ACLY: variants seen among roughly 807,000 people sequenced by gnomAD.
The protein encoded by ACLY is ATP-citrate synthase.
A neutral mutation model predicts 133.0 loss-of-function variants in ACLY; 41 were observed. The ratio of observed to expected loss-of-function variants is 0.31; its 90% CI spans 0.24 to 0.40. The LOEUF (loss-of-function observed/expected upper bound fraction) is 0.40, where lower values mean the gene tolerates loss of function less well. ACLY is among the 10% of genes least tolerant of loss of function. The probability of loss-of-function intolerance (pLI) is 1.00; values close to 1 mark genes in which losing one functional copy is unlikely to be tolerated. For missense variants in ACLY, 1,046 were observed against 1,453.8 expected (o/e 0.72, Z 4.56); for synonymous variants, 495 against 549.3 (o/e 0.90, Z 1.38).
At chr17:41,910,081 CCCTCAGAT>C in intron 4 of ACLY, 133 bp downstream of exon 4, 1 of 826,074 alleles carries the variant, frequency 1.2e-6, no homozygotes, top group Non-Finnish European at 1.9e-6. Context: ...GTCCGCAGCA[CCCTCAGAT>C]CCTCAGTGCA....
At chr17:41,908,878 T>G (rs1555633112) in intron 6 of ACLY, 111 bp downstream of exon 6, 4 of 864,014 alleles carry the variant, frequency 4.6e-6, no homozygotes, top group Non-Finnish European at 7.7e-6. Flanking sequence ...TGTGCACATC[T>G]GTCTTGTGTT....
chr17:41,879,823 A>C (rs970892197), intron 20 of ACLY, among the ~76,000 whole-genome samples: 58 of 150,656 alleles, frequency 3.8e-4, no homozygotes, highest in African/African-American at 1.4e-3. Flanking sequence ...GGCTCGGGTG[A>C]TTCTCCCACC....
In ACLY at chr17:41,913,853, T is replaced by C; in HGVS notation, c.21A>G (p.Ser7=). ...AAAGGAGTTCTTTGCCCGTCTGCTC[T>C]GAAATTGCCTTGGCCGACATGGCTG... MSAKAI[S]EQTGKELLYK... is the part of the protein sequence containing the mutation. The change falls in exon 2 of 29, where the codon TCA becomes TCG. Residue 7 remains serine, a synonymous_variant. Transcript: ENST00000352035. The C allele has an allele frequency of 6.2e-7, 1 of 1,614,212 alleles. No individual in the cohort carries two copies. Among genetic ancestry groups the C allele is most frequent in the South Asian group, 1.1e-5 (1 of 91,080 alleles).
In ACLY at chr17:41,904,779, T is replaced by G. The variant is rs782705078; in HGVS notation, c.1015A>C (p.Ile339Leu). 7 of 1,613,592 alleles carry G rather than the reference T, an allele frequency of 4.3e-6. No individual in the cohort carries two copies. Among genetic ancestry groups the G allele is most frequent in the South Asian group, 3.3e-5 (3 of 91,068 alleles). ...REKHPDGKIL[I>L]IGGSIANFTN... ...AAGTTTGCGATGCTGCCTCCAATGA[T>G]GAGGATCTTGCCTGGATTTGGAGTA... The change falls in exon 10 of 29, where the codon ATC becomes CTC. Residue 339 changes from isoleucine (I) to leucine (L), a missense_variant. Transcript: ENST00000352035.
chr17:41,887,105 C>A (rs2049068042), intron 17 of ACLY, among the ~76,000 whole-genome samples: 1 of 125,346 alleles, frequency 8.0e-6, no homozygotes, highest in Non-Finnish European at 1.6e-5. Context: ...GCCTAGGTAA[C>A]AGGGCAAGAC....
At chr17:41,884,331 G>A (rs2048995669) in intron 18 of ACLY, 57 bp from the exon 19 acceptor site, 2 of 1,192,970 alleles carry the variant, frequency 1.7e-6, no homozygotes, top group South Asian at 2.4e-5. Flanking sequence ...GGGGAAGTGT[G>A]TACAGGGTTA....
intron 23 of ACLY, among the ~76,000 whole-genome samples, chr17:41,872,517 G>A (rs2048622691): frequency 6.6e-6 from 1 of 152,162 alleles, no homozygotes; most frequent in African/African-American, 2.4e-5. Context: ...GTAGAGACGA[G>A]ATTTTGCTAT....
intron 22 of ACLY, among the ~76,000 whole-genome samples, chr17:41,876,251 G>GC (rs1395701698): frequency 1.3e-5 from 2 of 150,766 alleles, no homozygotes; most frequent in African/African-American, 4.9e-5. Context: ...ATGGGGGTCA[G>GC]CCCCCCGCCC....
intron 10 of ACLY, 129 bp downstream of exon 10, chr17:41,904,600 C>A (rs1466407863): frequency 3.5e-5 from 29 of 839,432 alleles, no homozygotes; most frequent in Non-Finnish European, 1.9e-6. Context: ...GACCCTGGGG[C>A]AAGAGCTCCC....
chr17:41,871,833 CT>C lies in ACLY; in HGVS notation c.2794-2del. On this transcript the variant is annotated splice_acceptor_variant, in intron 24 of 28. Transcript: ENST00000352035. LOFTEE classifies it high-confidence loss of function. ...CCAAGGCACCCCCAAACCGATCCCCCTGGAGGAGAAACAAGTGCGTGTTGCC... is the reference window on the plus strand; with the variant it reads ...CCAAGGCACCCCCAAACCGATCCCCCGGAGGAGAAACAAGTGCGTGTTGCC... 6.2e-7 allele frequency: 1 copy of C among 1,613,798 alleles called. No individual in the cohort carries two copies.
In ACLY at chr17:41,871,836, G is replaced by C; in HGVS notation, c.2794-4C>G. Reference sequence around the variant, plus strand: ...AGGCACCCCCAAACCGATCCCCCTGGAGGAGAAACAAGTGCGTGTTGCCTT... The same window carrying C: ...AGGCACCCCCAAACCGATCCCCCTGCAGGAGAAACAAGTGCGTGTTGCCTT... On this transcript the variant is annotated splice_polypyrimidine_tract_variant and splice_region_variant and intron_variant, in intron 24 of 28. Coordinates refer to ENST00000352035, the MANE Select transcript of ACLY (RefSeq NM_001096.3). The C allele has an allele frequency of 1.2e-6, 2 of 1,613,634 alleles. No homozygotes were observed. The highest frequency in any genetic ancestry group is 2.2e-5 in the East Asian group (1 of 44,884).
intron 10 of ACLY, 99 bp downstream of exon 10, chr17:41,904,630 T>C: frequency 3.4e-6 from 4 of 1,193,994 alleles, no homozygotes; most frequent in Admixed American, 3.9e-5. Flanking sequence ...TGGGAACTCA[T>C]GGTAACTTGG....
At position 41,901,682 on chromosome 17, in the gene ACLY, G is replaced by A. The variant is rs782061044; in HGVS notation, c.1183+14C>T. 165 of 1,605,566 alleles carry A rather than the reference G, an allele frequency of 1.0e-4. No homozygotes were observed. Among genetic ancestry groups the A allele is most frequent in the Non-Finnish European group, 1.4e-4 (159 of 1,173,430 alleles). On this transcript the variant is annotated intron_variant, in intron 11 of 28. Transcript: ENST00000352035. ...CACTCAGGGTGAGGGGGAGAGAAAA[G>A]GTCCTCATCTTACCGACTTCTCCCA... is the stretch of plus-strand genomic sequence containing the variant.
chr17:41,887,723 C>T lies in ACLY; in HGVS notation c.1771-20G>A, dbSNP rs2049093809. On this transcript the variant is annotated intron_variant, in intron 16 of 28. Coordinates refer to ENST00000352035, the MANE Select transcript of ACLY (RefSeq NM_001096.3). The stretch of plus-strand genomic sequence containing the variant: ...CCGGATCTAGAGGATGACAAAAGTC[C>T]CTTCCTGTTAACTCTCTGCCTCAGA... The T allele has an allele frequency of 1.2e-6, 2 of 1,607,974 alleles. No individual in the cohort carries two copies. Among genetic ancestry groups the T allele is most frequent in the African/African-American group, 2.7e-5 (2 of 74,884 alleles).
chr17:41,926,558 G>A (rs557971923), intron 1 of ACLY, among the ~76,000 whole-genome samples: 27 of 152,208 alleles, frequency 1.8e-4, no homozygotes, highest in African/African-American at 6.5e-4. Flanking sequence ...GCACGATCTT[G>A]GCTCACTGCA....
intron 1 of ACLY, among the ~76,000 whole-genome samples, chr17:41,929,874 G>A (rs1262705970): frequency 6.6e-6 from 1 of 152,064 alleles, no homozygotes; most frequent in Non-Finnish European, 1.5e-5. Context: ...CCGTGTGTGT[G>A]TGTGTGTGTG....
intron 16 of ACLY, among the ~76,000 whole-genome samples, chr17:41,888,294 G>A (rs558184458): frequency 6.6e-6 from 1 of 152,322 alleles, no homozygotes; most frequent in East Asian, 1.9e-4. Context: ...AAGAGAGGCA[G>A]GTATTTCGGA....
At chr17:41,870,038 A>G (rs1428791862) in intron 25 of ACLY, among the ~76,000 whole-genome samples, 1 of 152,158 alleles carries the variant, frequency 6.6e-6, no homozygotes, top group Non-Finnish European at 1.5e-5. Flanking sequence ...AGTATTCCCA[A>G]AATTTTAGGG....
rs2049842513 is a variant in ACLY, at chr17:41,909,777, A to G, written c.346-77T>C. On this transcript the variant is annotated intron_variant, in intron 4 of 28. Transcript: ENST00000352035. ...GGTGAGGGGCGCTGAACTGGGGAAGATGGTCTACCATGTACTGGGAGAGGA... is the reference window on the plus strand; with the variant it reads ...GGTGAGGGGCGCTGAACTGGGGAAGGTGGTCTACCATGTACTGGGAGAGGA... The G allele has an allele frequency of 1.7e-5, 23 of 1,322,284 alleles. No homozygotes were observed. In the South Asian group the frequency reaches 2.5e-4, roughly 14 times the overall value. 81.9% of individuals were successfully genotyped at this position (1,322,284 alleles called of 1,614,324 possible).
Sources: allele counts gnomAD v4.1 joint callset (sites outside exome capture counted in the v4.1 genomes callset), GRCh38; gene constraint gnomAD v4.1.1; transcripts MANE v1.5; gene names NCBI Gene and HGNC (gene_info 2026-07-23, HGNC 2026-07-21).